Variants in MAPK10 observed in about 807,000 individuals in gnomAD.
MAPK10 encodes the protein JNK3 alpha protein kinase.
A neutral mutation model predicts 59.3 loss-of-function variants in MAPK10; 25 were observed. The ratio of observed to expected loss-of-function variants is 0.42; its 90% CI spans 0.31 to 0.59. The LOEUF (loss-of-function observed/expected upper bound fraction) is 0.59. MAPK10 is among the 20% of genes least tolerant of loss of function. MAPK10 has a pLI of 0.15. For synonymous variants in MAPK10, 190 were observed against 200.5 expected (o/e 0.95, Z 0.44); for missense variants, 351 against 568.9 (o/e 0.62, Z 3.90).
chr4:86,548,924 T>C (rs1003817286), intron 1 of MAPK10, among the ~76,000 whole-genome samples: 1 of 152,218 alleles, frequency 6.6e-6, no homozygotes, highest in Admixed American at 6.5e-5. Context: ...TTTGTAACAC[T>C]GTAAGGCCCG....
At chr4:86,179,896 A>G (rs2076515121) in intron 3 of MAPK10, among the ~76,000 whole-genome samples, 1 of 152,112 alleles carries the variant, frequency 6.6e-6, no homozygotes, top group African/African-American at 2.4e-5. Context: ...AGAAGAAGAC[A>G]TAGGGAATAT....
At chr4:86,546,570 A>G (rs1048512753) in intron 1 of MAPK10, among the ~76,000 whole-genome samples, 3 of 151,558 alleles carry the variant, frequency 2.0e-5, no homozygotes, top group Admixed American at 1.3e-4. Flanking sequence ...AAAAAAAAAA[A>G]AAGAAGAAAG....
At chr4:86,020,036 C>G (rs745325082) in intron 13 of MAPK10, among the ~76,000 whole-genome samples, 2 of 152,152 alleles carry the variant, frequency 1.3e-5, no homozygotes, top group Non-Finnish European at 2.9e-5. Context: ...CACCACAATC[C>G]ATTTTGCAGC....
intron 10 of MAPK10, chr4:86,065,481 T>C (rs2046560166): frequency 6.6e-6 from 1 of 152,214 alleles, no homozygotes; most frequent in Admixed American, 6.5e-5. Flanking sequence ...GTGATAGCTA[T>C]TTATTTAGTA....
chr4:86,134,405 T>C (rs1025342056), intron 4 of MAPK10, among the ~76,000 whole-genome samples: 35 of 152,180 alleles, frequency 2.3e-4, no homozygotes, highest in African/African-American at 7.7e-4. Flanking sequence ...TGAAAATATC[T>C]AACTCAAACT....
chr4:86,111,261 A>G (rs539029900), intron 4 of MAPK10, among the ~76,000 whole-genome samples: 11 of 152,058 alleles, frequency 7.2e-5, no homozygotes, highest in Non-Finnish European at 1.2e-4. Flanking sequence ...TTCCATTACT[A>G]TGTTTAATAG....
intron 1 of MAPK10, among the ~76,000 whole-genome samples, chr4:86,561,603 GCTCT>G (rs1352005114): frequency 1.3e-5 from 2 of 152,098 alleles, no homozygotes; most frequent in African/African-American, 4.8e-5. Flanking sequence ...AGCTGTGCTG[GCTCT>G]CTCTATATAT....
chr4:86,104,921 A>C (rs1315318871), intron 5 of MAPK10, among the ~76,000 whole-genome samples: 5 of 152,086 alleles, frequency 3.3e-5, no homozygotes, highest in Non-Finnish European at 7.4e-5. Context: ...AGGCATCTGT[A>C]GAAGGAGATT....
At chr4:86,366,805 T>C (rs1338055958) in intron 1 of MAPK10, among the ~76,000 whole-genome samples, 1 of 152,052 alleles carries the variant, frequency 6.6e-6, no homozygotes, top group Non-Finnish European at 1.5e-5. Flanking sequence ...ATTAAGGGGG[T>C]AGCAGTGAAA....
At chr4:86,156,954 A>G (rs1390969251) in intron 4 of MAPK10, among the ~76,000 whole-genome samples, 3 of 152,054 alleles carry the variant, frequency 2.0e-5, no homozygotes, top group African/African-American at 4.8e-5. Context: ...GCTTCAACAG[A>G]TAATCTTTTC....
At chr4:86,230,800 T>C (rs1377639066) in intron 2 of MAPK10, among the ~76,000 whole-genome samples, 1 of 152,190 alleles carries the variant, frequency 6.6e-6, no homozygotes, top group African/African-American at 2.4e-5. Context: ...CAACATCTGG[T>C]CAACATTTAA....
intron 2 of MAPK10, 64 bp from the exon 3 acceptor site, chr4:86,194,471 A>C (rs534671648): frequency 1.0e-6 from 1 of 954,080 alleles, no homozygotes; most frequent in African/African-American, 1.6e-5. Flanking sequence ...ATAACAATAT[A>C]GATTTTGGCA....
At chr4:86,018,363 A>T (rs909338634) in intron 13 of MAPK10, among the ~76,000 whole-genome samples, 1 of 152,092 alleles carries the variant, frequency 6.6e-6, no homozygotes, top group Admixed American at 6.5e-5. Flanking sequence ...TACAAAAAAA[A>T]AAAAAATAGG....
intron 1 of MAPK10, among the ~76,000 whole-genome samples, chr4:86,414,604 T>A: frequency 6.6e-6 from 1 of 152,212 alleles, no homozygotes; most frequent in East Asian, 1.9e-4. Context: ...TCTACATTGC[T>A]GCTGAACTTC....
At chr4:86,444,343 T>C (rs796556192) in intron 1 of MAPK10, among the ~76,000 whole-genome samples, 1 of 152,136 alleles carries the variant, frequency 6.6e-6, no homozygotes, top group East Asian at 1.9e-4. Flanking sequence ...TAATAAATAG[T>C]GCTGGCAGAA....
At chr4:86,033,511 T>G (rs1211326933) in intron 11 of MAPK10, among the ~76,000 whole-genome samples, 1 of 152,246 alleles carries the variant, frequency 6.6e-6, no homozygotes, top group Non-Finnish European at 1.5e-5. Flanking sequence ...CTGCCAAAGT[T>G]CATAAATGCC....
chr4:86,362,120 T>C (rs1247870706), upstream of MAPK10, among the ~76,000 whole-genome samples: 1 of 152,218 alleles, frequency 6.6e-6, no homozygotes, highest in East Asian at 1.9e-4. Flanking sequence ...AATGTATACA[T>C]GTATCAAAAC....
intron 1 of MAPK10, chr4:86,356,610 C>T (rs181973924): frequency 8.7e-4 from 170 of 194,922 alleles, no homozygotes; most frequent in African/African-American, 3.8e-3. Flanking sequence ...ATAAAATGTA[C>T]TCAAACTGAA....
At chr4:86,478,514 C>T (rs1269653628) in intron 1 of MAPK10, among the ~76,000 whole-genome samples, 1 of 152,176 alleles carries the variant, frequency 6.6e-6, no homozygotes, top group Non-Finnish European at 1.5e-5. Flanking sequence ...CTCTACAGTT[C>T]TCATAACTTC....
Sources: gnomAD v4.1 joint callset for allele counts (sites outside exome capture counted in the v4.1 genomes callset) on GRCh38, gnomAD v4.1.1 for gene constraint, MANE v1.5 for transcripts, NCBI Gene and HGNC (gene_info 2026-07-23, HGNC 2026-07-21) for gene names.